Variants in RAB27B observed in about 807,000 individuals in gnomAD.
RAB27B encodes RAB27B, member RAS oncogene family.
In RAB27B, 15 loss-of-function variants were observed where a neutral mutation model predicts 24.6. The ratio of observed to expected loss-of-function variants is 0.61; its 90% confidence interval spans 0.41 to 0.94. The LOEUF (loss-of-function observed/expected upper bound fraction) is 0.94, where lower values mean the gene tolerates loss of function less well. Among genes scored for constraint, RAB27B ranks in the 40% least tolerant of loss-of-function variants. The pLI is 0.00. For missense variants in RAB27B, 261 were observed against 266.8 expected, an observed-to-expected ratio of 0.98 and a Z score of 0.15; for synonymous variants, 105 against 92.5, an observed-to-expected ratio of 1.14 and a Z score of -0.78.
intron 1 of RAB27B, among the ~76,000 whole-genome samples, chr18:54,849,506 G>A (rs1010294055): frequency 6.6e-6 from 1 of 152,174 alleles, no homozygotes; most frequent in Non-Finnish European, 1.5e-5. Flanking sequence ...ATCACTTGAG[G>A]TGAGGAGTTC....
At chr18:54,868,154 G>A (rs1021217926) in intron 1 of RAB27B, among the ~76,000 whole-genome samples, 3 of 152,132 alleles carry the variant, frequency 2.0e-5, no homozygotes, top group East Asian at 1.9e-4. Context: ...GATGCTAAGT[G>A]GGGGAGATGC....
intron 2 of RAB27B, among the ~76,000 whole-genome samples, chr18:54,750,922 A>G (rs1479326188): frequency 6.6e-6 from 1 of 152,202 alleles, no homozygotes; most frequent in Non-Finnish European, 1.5e-5. Context: ...GTTGCAAAGC[A>G]TGTCGGAGAG....
chr18:54,855,844 TA>T (rs1170265380), intron 1 of RAB27B, among the ~76,000 whole-genome samples: 7 of 152,346 alleles, frequency 4.6e-5, no homozygotes, highest in African/African-American at 1.7e-4. Flanking sequence ...TTTTCTTATA[TA>T]AAGTGCAGTA....
chr18:54,826,421 TTCTC>T (rs1910478660), upstream of RAB27B, among the ~76,000 whole-genome samples: 1 of 152,182 alleles, frequency 6.6e-6, no homozygotes, highest in African/African-American at 2.4e-5. Flanking sequence ...TTCCTACTCT[TTCTC>T]TTCCTTGGAA....
intron 1 of RAB27B, among the ~76,000 whole-genome samples, chr18:54,850,724 A>G (rs1039498879): frequency 1.3e-5 from 2 of 151,266 alleles, no homozygotes; most frequent in Non-Finnish European, 2.9e-5. Context: ...TGATGAAGGG[A>G]CTTATTCAGT....
chr18:54,880,954 A>T (rs916882912), intron 3 of RAB27B: 1 of 152,196 alleles, frequency 6.6e-6, no homozygotes, highest in Non-Finnish European at 1.5e-5. Flanking sequence ...CCCTGTGCCT[A>T]AGGACATCTG....
At position 54,889,333 on chromosome 18, in the gene RAB27B, C is replaced by G. The variant is rs553510372; in HGVS notation, c.577C>G (p.Gln193Glu). ...KRMEQCVEKT[Q>E]IPDTVNGGNS... ...AATGGAACAGTGTGTGGAGAAGACA[C>G]AAATCCCTGATACTGTCAATGGTGG... is the stretch of plus-strand genomic sequence containing the variant. The change falls in exon 6 of 6, where the codon CAA becomes GAA. Residue 193 changes from glutamine to glutamate, a missense_variant. Physicochemically the swap from Gln to Glu is conservative, Grantham distance 29. Transcript: ENST00000262094. The G allele has an allele frequency of 6.2e-7, 1 of 1,613,342 alleles. No homozygotes were observed. The highest frequency in any genetic ancestry group is 2.2e-5 in the East Asian group (1 of 44,840).
At chr18:54,867,285 T>G (rs1396492556) in intron 1 of RAB27B, among the ~76,000 whole-genome samples, 3 of 152,120 alleles carry the variant, frequency 2.0e-5, no homozygotes, top group Non-Finnish European at 4.4e-5. Flanking sequence ...AGGTGTGGTG[T>G]TCTACTACTA....
chr18:54,801,018 T>TTG lies in RAB27B; in HGVS notation c.-19-76548_-19-76547insGT, dbSNP rs1555657495. Among the ~76,000 whole-genome samples, 6 of 144,838 alleles carry TTG rather than the reference T, an allele frequency of 4.1e-5. No individual in the cohort carries two copies. In the East Asian group the frequency reaches 1.0e-3, roughly 24 times the overall value. ...TTGTTTTGTTCCTGTGTTTTTTTTTTTTTTTTTTTTTTTTAACAGAGTCTT... is the reference window on the plus strand; with the variant it reads ...TTGTTTTGTTCCTGTGTTTTTTTTTTTGTTTTTTTTTTTTTTAACAGAGTCTT... On this transcript the variant is annotated intron_variant, in intron 2 of 4. Transcript: ENST00000586570.
At chr18:54,761,843 T>C (rs1908199395) in intron 2 of RAB27B, among the ~76,000 whole-genome samples, 1 of 152,196 alleles carries the variant, frequency 6.6e-6, no homozygotes, top group South Asian at 2.1e-4. Context: ...CTGTAGCAGA[T>C]TGACTAGTGT....
At chr18:54,861,550 A>G (rs1912009590) in intron 1 of RAB27B, among the ~76,000 whole-genome samples, 1 of 152,174 alleles carries the variant, frequency 6.6e-6, no homozygotes, top group South Asian at 2.1e-4. Flanking sequence ...AGGAAAAGAT[A>G]TGTCTTTATG....
chr18:54,842,521 C>CA (rs5825095), intron 1 of RAB27B, among the ~76,000 whole-genome samples: 144,317 of 152,246 alleles, frequency 0.95, 68,896 homozygotes, highest in East Asian at 1. Context: ...TCAAGCCCAT[C>CA]AAGTTTAGAA....
intron 1 of RAB27B, among the ~76,000 whole-genome samples, chr18:54,837,885 G>A (rs540213356): frequency 1.3e-5 from 2 of 152,136 alleles, no homozygotes; most frequent in African/African-American, 2.4e-5. Flanking sequence ...ACTAAGTAAT[G>A]TTTCCTTCAT....
intron 2 of RAB27B, among the ~76,000 whole-genome samples, chr18:54,818,499 C>T (rs1442436076): frequency 6.6e-6 from 1 of 152,058 alleles, no homozygotes; most frequent in Non-Finnish European, 1.5e-5. Flanking sequence ...GCTTCTCCCT[C>T]ATTTGGCATT....
At chr18:54,843,875 G>T (rs533238349) in intron 1 of RAB27B, among the ~76,000 whole-genome samples, 4 of 152,064 alleles carry the variant, frequency 2.6e-5, no homozygotes, top group Admixed American at 6.6e-5. Context: ...GAATATTTGG[G>T]CAACGGTCCC....
At chr18:54,718,227 T>C (rs2144965568) in intron 2 of RAB27B, 1 of 152,072 alleles carries the variant, frequency 6.6e-6, no homozygotes, top group East Asian at 1.9e-4. Context: ...AAAGAGCCAA[T>C]GTGAGATGCC....
intron 2 of RAB27B, among the ~76,000 whole-genome samples, chr18:54,743,776 A>G (rs1910145209): frequency 1.3e-5 from 2 of 152,314 alleles, no homozygotes; most frequent in African/African-American, 4.8e-5. Flanking sequence ...TCCTTGATAG[A>G]ACTGTGGCCT....
chr18:54,812,258 G>T (rs749302584), intron 2 of RAB27B, among the ~76,000 whole-genome samples: 2 of 149,496 alleles, frequency 1.3e-5, no homozygotes, highest in Admixed American at 6.7e-5. Flanking sequence ...AGAAATGAAT[G>T]AAGGATTTGA....
intron 2 of RAB27B, among the ~76,000 whole-genome samples, chr18:54,798,796 TATTTTC>T (rs1231910553): frequency 6.6e-6 from 1 of 152,176 alleles, no homozygotes; most frequent in Non-Finnish European, 1.5e-5. Flanking sequence ...ATTTATGACT[TATTTTC>T]ATTCATGTTA....
Sources: gnomAD v4.1 joint callset for allele counts (sites outside exome capture counted in the v4.1 genomes callset) on GRCh38, gnomAD v4.1.1 for gene constraint, MANE v1.5 for transcripts, NCBI Gene and HGNC (gene_info 2026-07-23, HGNC 2026-07-21) for gene names.